KCNJ1: variants seen among roughly 807,000 people sequenced by gnomAD.
KCNJ1 encodes potassium inwardly rectifying channel subfamily J member 1.
In KCNJ1, 24 loss-of-function variants were observed where a neutral mutation model predicts 21.9. The ratio of observed to expected loss-of-function variants is 1.10; its 90% CI spans 0.79 to 1.54. The LOEUF is 1.54. Ranked by LOEUF, KCNJ1 falls within the 40% of genes most tolerant of loss-of-function variation. The pLI is 0.00. For missense variants in KCNJ1, 457 were observed against 455.4 expected (o/e 1.00, Z -0.03); for synonymous variants, 152 against 160.9 (o/e 0.94, Z 0.42).
chr11:128,864,139 T>A (rs1943771332), intron 1 of KCNJ1, among the ~76,000 whole-genome samples: 1 of 138,906 alleles, frequency 7.2e-6, no homozygotes, highest in Non-Finnish European at 1.5e-5. Flanking sequence ...GCTTGAGGAG[T>A]GCAGTGGCAC....
intron 1 of KCNJ1, chr11:128,866,653 G>A: frequency 3.4e-6 from 1 of 295,244 alleles, no homozygotes; most frequent in Non-Finnish European, 5.0e-6. Flanking sequence ...TTCCTATAAA[G>A]TCCTACATCA....
chr11:128,851,369 G>T (rs1031555284), intron 1 of KCNJ1, among the ~76,000 whole-genome samples: 2 of 152,168 alleles, frequency 1.3e-5, no homozygotes, highest in African/African-American at 4.8e-5. Context: ...TCCTATAGTG[G>T]ATTATTTTAT....
At chr11:128,855,229 T>G (rs1480191679) in intron 1 of KCNJ1, among the ~76,000 whole-genome samples, 1 of 152,208 alleles carries the variant, frequency 6.6e-6, no homozygotes, top group Non-Finnish European at 1.5e-5. Flanking sequence ...TGATTCACTT[T>G]TCTTACCCTC....
chr11:128,845,951 C>G (rs1050528475), intron 2 of KCNJ1, among the ~76,000 whole-genome samples: 3 of 152,152 alleles, frequency 2.0e-5, no homozygotes, highest in Non-Finnish European at 2.9e-5. Flanking sequence ...GCTGAAGCAT[C>G]ACAAGGTCTG....
At chr11:128,856,991 C>T (rs1364586717) in intron 1 of KCNJ1, among the ~76,000 whole-genome samples, 1 of 152,130 alleles carries the variant, frequency 6.6e-6, no homozygotes, top group East Asian at 1.9e-4. Context: ...CTCAGCTTCC[C>T]CCTGTTCTGA....
chr11:128,856,313 G>A lies in KCNJ1; in HGVS notation c.-191-5423C>T, dbSNP rs550203042. On this transcript the variant is annotated intron_variant, in intron 1 of 2. Transcript: ENST00000392666. Reference sequence around the variant, plus strand: ...ACTGAATTTCCTCTGAGGTTAGCACGACCAGCCTTCCAGACCCGGAGGCAA... The same window carrying A: ...ACTGAATTTCCTCTGAGGTTAGCACAACCAGCCTTCCAGACCCGGAGGCAA... Among the ~76,000 whole-genome samples the A allele has an allele frequency of 3.9e-5, 6 of 152,324 alleles. No individual in the cohort carries two copies. In the East Asian group the frequency reaches 5.8e-4, roughly 15 times the overall value.
At chr11:128,851,416 T>G (rs1019226268) in intron 1 of KCNJ1, among the ~76,000 whole-genome samples, 4 of 152,256 alleles carry the variant, frequency 2.6e-5, no homozygotes, top group African/African-American at 4.8e-5. Context: ...AAATAATCAT[T>G]CTTCCACTTG....
chr11:128,842,513 G>T, intron 2 of KCNJ1: 1 of 1,600,702 alleles, frequency 6.2e-7, no homozygotes, highest in Non-Finnish European at 8.5e-7. Context: ...GCGACAGTCA[G>T]TGGACTGACG....
intron 1 of KCNJ1, among the ~76,000 whole-genome samples, chr11:128,862,788 A>C (rs1053926218): frequency 6.6e-6 from 1 of 152,238 alleles, no homozygotes; most frequent in Non-Finnish European, 1.5e-5. Flanking sequence ...TACTCTGTGC[A>C]TAATTCATCA....
intron 1 of KCNJ1, among the ~76,000 whole-genome samples, chr11:128,865,206 G>A (rs1034794393): frequency 1.3e-5 from 2 of 152,106 alleles, no homozygotes; most frequent in African/African-American, 4.8e-5. Context: ...ATGCTTCCAT[G>A]AGGTCCTCTG....
chr11:128,839,533 C>T lies in KCNJ1; in HGVS notation c.711G>A (p.Gly237=), dbSNP rs758843254. Residue 237 remains glycine (G), a synonymous_variant, in exon 3 of 3, where the codon GGG becomes GGA. Coordinates refer to ENST00000392666, the MANE Select transcript of KCNJ1 (RefSeq NM_153766.3). ...QININFVVDA[G]NENLFFISPL... ...GGGAGATGAAGAATAAATTTTCATTCCCAGCGTCAACTACAAAGTTGATAT... is the reference window on the plus strand; with the variant it reads ...GGGAGATGAAGAATAAATTTTCATTTCCAGCGTCAACTACAAAGTTGATAT... 7 of 1,614,088 alleles carry T rather than the reference C, an allele frequency of 4.3e-6. No homozygotes were observed. In the South Asian group the frequency reaches 5.5e-5, roughly 13 times the overall value.
intron 2 of KCNJ1, 66 bp downstream of exon 2, chr11:128,850,655 T>G: frequency 3.8e-6 from 3 of 799,744 alleles, no homozygotes; most frequent in Non-Finnish European, 4.5e-6. Flanking sequence ...CATAACCAAA[T>G]GCTTACCTAG....
At chr11:128,856,339 C>A (rs1943590588) in intron 1 of KCNJ1, among the ~76,000 whole-genome samples, 1 of 152,232 alleles carries the variant, frequency 6.6e-6, no homozygotes, top group Admixed American at 6.5e-5. Flanking sequence ...CCGGAGGCAA[C>A]CAGGGCACAG....
At position 128,840,209 on chromosome 11, in the gene KCNJ1, C is replaced by G; in HGVS notation, c.35G>C (p.Arg12Pro). The change falls in exon 3 of 3, where the codon CGC becomes CCC. Residue 12 changes from arginine (R) to proline (P), a missense_variant. Arg to Pro is a moderately radical substitution (Grantham distance 103). Coordinates refer to ENST00000392666, the MANE Select transcript of KCNJ1 (RefSeq NM_153766.3). ...FKHLRKWVVT[R>P]FFGHSRQRAR... ...TCTTTGCCGAGAATGCCCAAAAAAG[C>G]GAGTGACGACCCATTTCCGAAGATG... 1 of 1,614,114 alleles carries G rather than the reference C, an allele frequency of 6.2e-7. No homozygotes were observed.
intron 2 of KCNJ1, among the ~76,000 whole-genome samples, chr11:128,843,478 G>A (rs1362596495): frequency 6.6e-6 from 1 of 152,128 alleles, no homozygotes; most frequent in Non-Finnish European, 1.5e-5. Flanking sequence ...CAGCATTCTT[G>A]TTCTATAAAC....
Position 128,840,256 on chromosome 11 carries a change from C to T in KCNJ1, c.-13G>A. ...GATGTTTGAACATACTTTCTGTCAA[C>T]ACCCTGATCTGAAAACACATCAAAG... is the stretch of plus-strand genomic sequence containing the variant. On this transcript the variant is annotated 5_prime_UTR_variant, in exon 3 of 3. Transcript: ENST00000392666. The T allele has an allele frequency of 6.2e-7, 1 of 1,614,156 alleles. No individual in the cohort carries two copies. Among genetic ancestry groups the T allele is most frequent in the Non-Finnish European group, 8.5e-7 (1 of 1,180,004 alleles).
intron 1 of KCNJ1, among the ~76,000 whole-genome samples, chr11:128,855,985 C>T (rs991210446): frequency 2.0e-5 from 3 of 152,202 alleles, no homozygotes; most frequent in African/African-American, 7.2e-5. Flanking sequence ...TAGTCCTGCT[C>T]GGGGCTCTTG....
intron 2 of KCNJ1, among the ~76,000 whole-genome samples, chr11:128,848,098 C>G (rs1943413821): frequency 6.6e-6 from 1 of 152,096 alleles, no homozygotes; most frequent in Admixed American, 6.5e-5. Context: ...ACCATCCTGG[C>G]TAACATGGTG....
chr11:128,848,534 T>C (rs1943423794), intron 2 of KCNJ1, among the ~76,000 whole-genome samples: 8 of 152,168 alleles, frequency 5.3e-5, no homozygotes, highest in Admixed American at 5.2e-4. Flanking sequence ...TCATAATAGT[T>C]TCTTAAGATA....
Sources: gnomAD v4.1 joint callset for allele counts (sites outside exome capture counted in the v4.1 genomes callset) on GRCh38, gnomAD v4.1.1 for gene constraint, MANE v1.5 for transcripts, NCBI Gene and HGNC (gene_info 2026-07-23, HGNC 2026-07-21) for gene names.